PRSS12: variants seen among roughly 807,000 people sequenced by gnomAD.
PRSS12 encodes neurotrypsin.
PRSS12 carries 85 observed loss-of-function variants against 104.4 expected under a neutral mutation model. The observed-to-expected ratio is 0.81, with a 90% CI of 0.68 to 0.98. The LOEUF is 0.98. PRSS12 is among the 50% of genes least tolerant of loss of function. The probability of loss-of-function intolerance (pLI) is 0.00; values close to 1 mark genes in which losing one functional copy is unlikely to be tolerated. For synonymous variants in PRSS12, 454 were observed against 425.2 expected (o/e 1.07, Z -0.83); for missense variants, 1,141 against 1,139.2 (o/e 1.00, Z -0.02).
chr4:118,289,631 C>A (rs1331238460), intron 11 of PRSS12, among the ~76,000 whole-genome samples: 2 of 152,122 alleles, frequency 1.3e-5, no homozygotes, highest in Admixed American at 1.3e-4. Context: ...GTCCCTAAAT[C>A]TAGGAAAACA....
Position 118,352,244 on chromosome 4 carries a change from G to C in PRSS12, c.477C>G (p.Asp159Glu), listed in dbSNP as rs1560791081. The C allele has an allele frequency of 3.7e-6, 6 of 1,612,004 alleles. No individual in the cohort carries two copies. Among genetic ancestry groups the C allele is most frequent in the Non-Finnish European group, 5.1e-6 (6 of 1,179,752 alleles). Residue 159 changes from aspartate (D) to glutamate (E), a missense_variant, in exon 1 of 13, where the codon GAC (aspartate) becomes GAG (glutamate). Physicochemically the swap from Asp to Glu is conservative, Grantham distance 45. Transcript: ENST00000296498. ...CFYGDARGKV[D>E]WGYCDCRHGS... ...CGTGTCTGCAGTCGCAGTAGCCCCA[G>C]TCCACCTTGCCACGGGCGTCTCCGT...
intron 4 of PRSS12, among the ~76,000 whole-genome samples, chr4:118,331,034 T>C (rs905285266): frequency 6.6e-6 from 1 of 152,130 alleles, no homozygotes; most frequent in Non-Finnish European, 1.5e-5. Context: ...CTAAATGAAA[T>C]ATTTTTTAAA....
At chr4:118,320,889 G>A (rs1334413468) in intron 4 of PRSS12, among the ~76,000 whole-genome samples, 1 of 151,952 alleles carries the variant, frequency 6.6e-6, no homozygotes, top group African/African-American at 2.4e-5. Flanking sequence ...TCAAGAGGAA[G>A]GATAAAAGAA....
chr4:118,310,578 A>C (rs1005873465), intron 7 of PRSS12, among the ~76,000 whole-genome samples: 1 of 152,178 alleles, frequency 6.6e-6, no homozygotes, highest in African/African-American at 2.4e-5. Context: ...AAAATCTTAA[A>C]TATATAAAGT....
chr4:118,314,453 C>T (rs1743848172), intron 6 of PRSS12, among the ~76,000 whole-genome samples: 1 of 151,994 alleles, frequency 6.6e-6, no homozygotes, highest in African/African-American at 2.4e-5. Context: ...AGTAATAAGC[C>T]TAAATCGTAT....
At chr4:118,323,831 A>ACATG (rs1297023532) in intron 4 of PRSS12, among the ~76,000 whole-genome samples, 1 of 151,844 alleles carries the variant, frequency 6.6e-6, no homozygotes, top group African/African-American at 2.4e-5. Context: ...ACACACACAC[A>ACATG]CATGCACACA....
chr4:118,311,640 A>C (rs1743731920), intron 7 of PRSS12, among the ~76,000 whole-genome samples: 1 of 152,232 alleles, frequency 6.6e-6, no homozygotes. Flanking sequence ...AAATGACTTT[A>C]GTTAATAGAC....
intron 10 of PRSS12, 55 bp downstream of exon 10, chr4:118,295,723 C>T: frequency 1.3e-6 from 2 of 1,482,142 alleles, no homozygotes; most frequent in Non-Finnish European, 1.9e-6. Context: ...TTGTAACACT[C>T]TATGTATATA....
In PRSS12 at chr4:118,352,873, GCC is replaced by G; in HGVS notation, c.-155_-154del. Reference sequence around the variant, plus strand: ...GGACCGCCCTCGCCTCCCCAACCTTGCCTCCCGCCGCTGGTGCCCTGCCGCGC... The same window carrying G: ...GGACCGCCCTCGCCTCCCCAACCTTGTCCCGCCGCTGGTGCCCTGCCGCGC... On this transcript the variant is annotated 5_prime_UTR_variant, in exon 1 of 13. Coordinates refer to ENST00000296498, the MANE Select transcript of PRSS12 (RefSeq NM_003619.4). 1 of 1,424,172 alleles carries G rather than the reference GCC, an allele frequency of 7.0e-7. No individual in the cohort carries two copies. Among genetic ancestry groups the G allele is most frequent in the South Asian group, 1.5e-5 (1 of 67,802 alleles). 88.2% of individuals were successfully genotyped at this position (1,424,172 alleles called of 1,614,324 possible).
At chr4:118,345,957 A>G (rs541803367) in intron 1 of PRSS12, among the ~76,000 whole-genome samples, 4 of 152,346 alleles carry the variant, frequency 2.6e-5, no homozygotes, top group African/African-American at 9.6e-5. Context: ...TGGTAATTGT[A>G]CATTTCTTTC....
intron 4 of PRSS12, among the ~76,000 whole-genome samples, chr4:118,328,176 T>C (rs1233043770): frequency 6.6e-6 from 1 of 152,172 alleles, no homozygotes; most frequent in Non-Finnish European, 1.5e-5. Flanking sequence ...AGTCGTAGAG[T>C]ACTGCTTTAT....
At chr4:118,311,311 A>G (rs1222932166) in intron 7 of PRSS12, among the ~76,000 whole-genome samples, 1 of 152,132 alleles carries the variant, frequency 6.6e-6, no homozygotes, top group Non-Finnish European at 1.5e-5. Flanking sequence ...CACAGACCCA[A>G]AAGAGTGTCT....
intron 9 of PRSS12, among the ~76,000 whole-genome samples, chr4:118,298,202 G>A (rs891973891): frequency 2.0e-5 from 3 of 150,120 alleles, no homozygotes; most frequent in Admixed American, 6.6e-5. Flanking sequence ...TTCATTTAAA[G>A]TATGAAACAT....
intron 11 of PRSS12, among the ~76,000 whole-genome samples, chr4:118,293,859 A>G (rs897727923): frequency 6.6e-6 from 1 of 152,212 alleles, no homozygotes; most frequent in Non-Finnish European, 1.5e-5. Context: ...TCCAGGACCC[A>G]GAAAAATGTC....
In PRSS12 at chr4:118,301,609, C is replaced by T. The variant is rs28376814; in HGVS notation, c.1632-2671G>A. On this transcript the variant is annotated intron_variant, in intron 8 of 12. Transcript: ENST00000296498. Reference sequence around the variant, plus strand: ...TATTTTGTCTTCACATTCAGGATTGCGGTACATCTCTTCATTGATAAGGTC... The same window carrying T: ...TATTTTGTCTTCACATTCAGGATTGTGGTACATCTCTTCATTGATAAGGTC... Among the ~76,000 whole-genome samples the T allele has an allele frequency of 6.8e-3, 1,037 of 152,202 alleles. 11 individuals carry two copies. Among genetic ancestry groups the T allele is most frequent in the African/African-American group, 0.023 (971 of 41,532 alleles).
chr4:118,308,661 T>C (rs1338955607), intron 7 of PRSS12, 84 bp from the exon 8 acceptor site: 14 of 1,532,804 alleles, frequency 9.1e-6, no homozygotes, highest in Middle Eastern at 1.7e-4. Flanking sequence ...AACACAATTG[T>C]TCTTTTTAAT....
At chr4:118,303,072 T>A (rs1389495776) in intron 8 of PRSS12, among the ~76,000 whole-genome samples, 1 of 152,034 alleles carries the variant, frequency 6.6e-6, no homozygotes, top group Non-Finnish European at 1.5e-5. Flanking sequence ...CTTTATCTTT[T>A]TCAGGAAGGG....
At position 118,311,491 on chromosome 4, in the gene PRSS12, C is replaced by T. The variant is rs1028270943; in HGVS notation, c.1489+1710G>A. 3.9e-4 allele frequency among the ~76,000 whole-genome samples: 60 copies of T among 152,102 alleles called. 1 individual carries two copies. Among genetic ancestry groups the T allele is most frequent in the African/African-American group, 1.4e-3 (60 of 41,438 alleles). On this transcript the variant is annotated intron_variant, in intron 7 of 12. Coordinates refer to ENST00000296498, the MANE Select transcript of PRSS12 (RefSeq NM_003619.4). ...AAATGCTGTTATTTATATTGTTATC[C>T]TGTTATCTCCTCCTCTAAGCTTCCC...
chr4:118,330,949 G>C (rs1723902607), intron 4 of PRSS12, among the ~76,000 whole-genome samples: 1 of 152,070 alleles, frequency 6.6e-6, no homozygotes, highest in Non-Finnish European at 1.5e-5. Context: ...CAATGAACAG[G>C]GAAGAACAGG....
Sources: allele counts gnomAD v4.1 joint callset (sites outside exome capture counted in the v4.1 genomes callset), GRCh38; gene constraint gnomAD v4.1.1; transcripts MANE v1.5; gene names NCBI Gene and HGNC (gene_info 2026-07-23, HGNC 2026-07-21).